PARD3: variants seen among roughly 807,000 people sequenced by gnomAD.
The protein encoded by PARD3 is par-3 family cell polarity regulator.
PARD3 carries 75 observed loss-of-function variants against 155.4 expected under a neutral mutation model. That is an observed-to-expected ratio of 0.48 (90% CI 0.40 to 0.58). The LOEUF is 0.58. Ranked by LOEUF, PARD3 falls within the 20% of genes least tolerant of loss-of-function variation. The pLI is 0.00. For synonymous variants in PARD3, 576 were observed against 610.5 expected, an observed-to-expected ratio of 0.94 and a Z score of 0.83; for missense variants, 1,642 against 1,721.7, an observed-to-expected ratio of 0.95 and a Z score of 0.82.
intron 1 of PARD3, among the ~76,000 whole-genome samples, chr10:34,711,093 T>C (rs115073083): frequency 0.02 from 2,994 of 152,146 alleles, 99 homozygotes; most frequent in African/African-American, 0.068. Flanking sequence ...GGAGGATCAC[T>C]TGAGCCCAAA....
At chr10:34,122,468 G>A (rs1947057554) in intron 23 of PARD3, among the ~76,000 whole-genome samples, 1 of 152,142 alleles carries the variant, frequency 6.6e-6, no homozygotes, top group African/African-American at 2.4e-5. Context: ...ATCAGCATAT[G>A]GGGTCTGAAA....
intron 16 of PARD3, among the ~76,000 whole-genome samples, chr10:34,340,866 T>A (rs537884017): frequency 1.3e-5 from 2 of 152,310 alleles, no homozygotes; most frequent in Admixed American, 1.3e-4. Context: ...TTTGCTGATA[T>A]ATTCATAAAA....
chr10:34,569,508 C>G (rs2134137466), intron 2 of PARD3, among the ~76,000 whole-genome samples: 1 of 152,168 alleles, frequency 6.6e-6, no homozygotes, highest in East Asian at 1.9e-4. Context: ...AGCTCTGCCT[C>G]CCGGGTTCAT....
At chr10:34,793,572 A>T (rs1434742090) in intron 1 of PARD3, among the ~76,000 whole-genome samples, 1 of 152,196 alleles carries the variant, frequency 6.6e-6, no homozygotes, top group East Asian at 1.9e-4. Flanking sequence ...AGATCACCTG[A>T]GGTCAGGAGT....
At chr10:34,488,723 T>A (rs1388047832) in intron 3 of PARD3, 1 of 154,092 alleles carries the variant, frequency 6.5e-6, no homozygotes, top group East Asian at 1.8e-4. Context: ...CTGGTGAAGC[T>A]ACACTCTCCC....
At chr10:34,540,032 G>A (rs1474748432) in intron 2 of PARD3, among the ~76,000 whole-genome samples, 3 of 152,152 alleles carry the variant, frequency 2.0e-5, no homozygotes, top group Non-Finnish European at 2.9e-5. Context: ...TGTGCAGGGC[G>A]GAATGGGGAG....
chr10:34,680,809 G>A (rs1471584934), intron 2 of PARD3, among the ~76,000 whole-genome samples: 7 of 127,172 alleles, frequency 5.5e-5, no homozygotes, highest in Non-Finnish European at 9.4e-5. Context: ...ACAGGAAGGG[G>A]AATATCACAC....
chr10:34,616,671 C>A (rs2091277325), intron 2 of PARD3, among the ~76,000 whole-genome samples: 1 of 152,150 alleles, frequency 6.6e-6, no homozygotes, highest in Non-Finnish European at 1.5e-5. Flanking sequence ...GCTGTGGTGG[C>A]TCATGCCTGT....
chr10:34,417,805 C>T (rs2132382736), intron 5 of PARD3, among the ~76,000 whole-genome samples: 2 of 152,236 alleles, frequency 1.3e-5, no homozygotes, highest in South Asian at 4.2e-4. Flanking sequence ...AACCAAATTA[C>T]CAATGTGATT....
chr10:34,681,147 G>C (rs940963719), intron 2 of PARD3, among the ~76,000 whole-genome samples: 4 of 152,118 alleles, frequency 2.6e-5, no homozygotes, highest in Non-Finnish European at 4.4e-5. Flanking sequence ...TACAGAAATA[G>C]AGTAAGCTTT....
In PARD3 at chr10:34,373,162, T is replaced by G. The variant is rs182407010; in HGVS notation, c.1669-626A>C. Among the ~76,000 whole-genome samples, 15 of 152,254 alleles carry G rather than the reference T, an allele frequency of 9.9e-5. No homozygotes were observed. The East Asian group carries it at 2.9e-3, about 29-fold the overall frequency. Reference sequence around the variant, plus strand: ...ACGTCTACTGGATTCAAGATTATTTTTAAATGTCCCCTCCCTTTAAATTTT... The same window carrying G: ...ACGTCTACTGGATTCAAGATTATTTGTAAATGTCCCCTCCCTTTAAATTTT... On this transcript the variant is annotated intron_variant, in intron 11 of 24. Transcript: ENST00000374788.
chr10:34,721,489 C>G (rs1430537029), intron 1 of PARD3, among the ~76,000 whole-genome samples: 2 of 152,218 alleles, frequency 1.3e-5, no homozygotes, highest in African/African-American at 4.8e-5. Flanking sequence ...CCTCCAACCC[C>G]ATAGCCAGCG....
chr10:34,595,879 C>A, intron 2 of PARD3, among the ~76,000 whole-genome samples: 1 of 152,116 alleles, frequency 6.6e-6, no homozygotes, highest in Non-Finnish European at 1.5e-5. Context: ...GTAATCCCAG[C>A]ACTTTGGGAG....
intron 1 of PARD3, among the ~76,000 whole-genome samples, chr10:34,701,841 C>CA (rs2094286031): frequency 6.6e-6 from 1 of 152,122 alleles, no homozygotes; most frequent in Admixed American, 6.6e-5. Context: ...TTCGAGGCTA[C>CA]AGTGAGCTTG....
chr10:34,332,485 GATC>G (rs1835720543), intron 18 of PARD3, among the ~76,000 whole-genome samples: 1 of 152,114 alleles, frequency 6.6e-6, no homozygotes, highest in South Asian at 2.1e-4. Flanking sequence ...CCCATATGTT[GATC>G]ATGTTATTAC....
intron 2 of PARD3, among the ~76,000 whole-genome samples, chr10:34,600,913 A>G (rs1009127009): frequency 6.6e-6 from 1 of 150,736 alleles, no homozygotes; most frequent in African/African-American, 2.4e-5. Context: ...TCAGCCTCCC[A>G]AGCAGCTGAG....
At chr10:34,736,893 T>C (rs1248530846) in intron 1 of PARD3, among the ~76,000 whole-genome samples, 1 of 152,110 alleles carries the variant, frequency 6.6e-6, no homozygotes, top group African/African-American at 2.4e-5. Flanking sequence ...GCCAGGTTGG[T>C]CTTGAACTCC....
chr10:34,228,941 G>A (rs540343338), intron 22 of PARD3, among the ~76,000 whole-genome samples: 10 of 152,080 alleles, frequency 6.6e-5, no homozygotes, highest in Admixed American at 2.6e-4. Context: ...CCTCGTCTGA[G>A]ATCACACTTC....
intron 14 of PARD3, among the ~76,000 whole-genome samples, chr10:34,350,649 GT>G (rs1837972947): frequency 8.5e-6 from 1 of 118,138 alleles, no homozygotes; most frequent in Non-Finnish European, 1.7e-5. Flanking sequence ...GGGAGGGGGG[GT>G]GGTAGAATTA....
Sources: gnomAD v4.1 joint callset for allele counts (sites outside exome capture counted in the v4.1 genomes callset) on GRCh38, gnomAD v4.1.1 for gene constraint, MANE v1.5 for transcripts, NCBI Gene and HGNC (gene_info 2026-07-23, HGNC 2026-07-21) for gene names.